The following PLCD4 variants were observed in gnomAD, a reference collection of about 807,000 sequenced individuals.
PLCD4 encodes the protein 1-phosphatidylinositol 4,5-bisphosphate phosphodiesterase delta-4.
A neutral mutation model predicts 90.2 loss-of-function variants in PLCD4; 63 were observed. That is an observed-to-expected ratio of 0.70 (90% CI 0.57 to 0.86). The LOEUF (loss-of-function observed/expected upper bound fraction) is 0.86. Among genes scored for constraint, PLCD4 ranks in the 40% least tolerant of loss-of-function variants. The probability of loss-of-function intolerance (pLI) is 0.00; values close to 1 mark genes in which losing one functional copy is unlikely to be tolerated. For missense variants in PLCD4, 830 were observed against 956.3 expected, an observed-to-expected ratio of 0.87 and a Z score of 1.74; for synonymous variants, 294 against 356.5, an observed-to-expected ratio of 0.82 and a Z score of 1.97.
At chr2:218,633,160 T>C (rs1002348332) in intron 10 of PLCD4, 2 of 547,096 alleles carry the variant, frequency 3.7e-6, no homozygotes, top group African/African-American at 1.9e-5. Flanking sequence ...ACATGACCAT[T>C]TGCATACCTT....
At chr2:218,621,012 C>T (rs1477754619) in intron 4 of PLCD4, among the ~76,000 whole-genome samples, 1 of 152,084 alleles carries the variant, frequency 6.6e-6, no homozygotes, top group Non-Finnish European at 1.5e-5. Flanking sequence ...TCCATGCAAC[C>T]TCCACCTCCT....
intron 4 of PLCD4, chr2:218,619,033 T>C (rs1251835032): frequency 3.5e-6 from 2 of 573,858 alleles, no homozygotes; most frequent in African/African-American, 3.7e-5. Flanking sequence ...CCCCCAGGAT[T>C]GGAGGAAGAG....
At chr2:218,629,415 G>T (rs1268389094) in intron 7 of PLCD4, 104 bp from the exon 8 acceptor site, 2 of 1,338,764 alleles carry the variant, frequency 1.5e-6, no homozygotes, top group Admixed American at 2.2e-5. Flanking sequence ...GTCTGGATGG[G>T]TAAGTGCTGG....
In PLCD4 at chr2:218,634,925, T is replaced by C. The variant is rs1696624839; in HGVS notation, c.1896+295T>C. Among the ~76,000 whole-genome samples the C allele has an allele frequency of 6.6e-6, 1 of 152,128 alleles. No homozygotes were observed. The highest frequency in any genetic ancestry group is 6.5e-5 in the Admixed American group (1 of 15,272). On this transcript the variant is annotated intron_variant, in intron 13 of 15. Transcript: ENST00000450993. The surrounding 1 kb of genome is among the most constrained non-coding windows in gnomAD (Gnocchi z 4.0). ...ACAGTTAATATAAAGTTCTTACAAT[T>C]CCTGGCACACAGGAAGTGCTATAAA...
chr2:218,627,574 G>A (rs1314614008), intron 6 of PLCD4, among the ~76,000 whole-genome samples: 8 of 151,666 alleles, frequency 5.3e-5, no homozygotes, highest in South Asian at 4.2e-4. Context: ...GTGCAGTGGC[G>A]CGATCTGGGC....
In PLCD4 at chr2:218,621,584, C is replaced by CT; in HGVS notation, c.527dup (p.Ser177GlnfsTer24). The CT allele has an allele frequency of 6.2e-7, 1 of 1,613,842 alleles. No individual in the cohort carries two copies. The highest frequency in any genetic ancestry group is 1.1e-5 in the South Asian group (1 of 91,076). The stretch of plus-strand genomic sequence containing the variant: ...ATGTGGAAATGGACCAAGAATATGC[C>CT]TTCAGTCTTTTTCAGGTGAGTCTGT... On this transcript the variant is annotated frameshift_variant, in exon 5 of 16. Transcript: ENST00000450993. LOFTEE classifies it high-confidence loss of function.
chr2:218,623,158 A>T (rs1398128996), intron 6 of PLCD4, among the ~76,000 whole-genome samples: 1 of 152,156 alleles, frequency 6.6e-6, no homozygotes. Context: ...CTTTACTTTC[A>T]GGAAGTTCTT....
intron 11 of PLCD4, 130 bp downstream of exon 11, chr2:218,633,891 A>T: frequency 7.9e-7 from 1 of 1,261,840 alleles, no homozygotes. Context: ...GAAACTCCTT[A>T]GAGCAGACAA....
At chr2:218,619,689 C>T (rs1441197849) in intron 4 of PLCD4, among the ~76,000 whole-genome samples, 2 of 152,080 alleles carry the variant, frequency 1.3e-5, no homozygotes, top group Admixed American at 6.5e-5. Context: ...AATCCCAGCA[C>T]TTTGGGAGGC....
At chr2:218,616,966 A>AT (rs1695638555) in intron 3 of PLCD4, among the ~76,000 whole-genome samples, 2 of 108,304 alleles carry the variant, frequency 1.8e-5, no homozygotes, top group African/African-American at 3.2e-5. Flanking sequence ...AGAGAGAGAG[A>AT]GAGAGAGAGA....
At chr2:218,617,147 G>A (rs1695653703) in intron 3 of PLCD4, among the ~76,000 whole-genome samples, 1 of 145,112 alleles carries the variant, frequency 6.9e-6, no homozygotes, top group Non-Finnish European at 1.5e-5. Context: ...CGCATTTTTA[G>A]TAGAGGCGGG....
In PLCD4 at chr2:218,621,606, C is replaced by A; in HGVS notation, c.540+7C>A. The stretch of plus-strand genomic sequence containing the variant: ...TGCCTTCAGTCTTTTTCAGGTGAGT[C>A]TGTGGGGAAGGATTTCCAGCGGCCA... On this transcript the variant is annotated splice_region_variant and intron_variant, in intron 5 of 15. Transcript: ENST00000450993. The A allele has an allele frequency of 6.2e-7, 1 of 1,613,486 alleles. No homozygotes were observed. The highest frequency in any genetic ancestry group is 1.1e-5 in the South Asian group (1 of 91,018).
intron 3 of PLCD4, among the ~76,000 whole-genome samples, chr2:218,616,807 A>T (rs1176399298): frequency 6.8e-6 from 1 of 147,516 alleles, no homozygotes; most frequent in Non-Finnish European, 1.5e-5. Context: ...GTACCTGCTT[A>T]GTAGGCTACA....
rs1445150196 is a variant in PLCD4, at chr2:218,636,743, T to G, written c.*166T>G. The G allele has an allele frequency of 2.7e-6, 2 of 728,838 alleles. No homozygotes were observed. The highest frequency in any genetic ancestry group is 3.5e-5 in the African/African-American group (2 of 56,404). 45.1% of individuals were successfully genotyped at this position (728,838 alleles called of 1,614,324 possible). On this transcript the variant is annotated 3_prime_UTR_variant, in exon 16 of 16. Transcript: ENST00000450993. ...TCCTAACAAGCAATCTGGGACCTGA[T>G]TTTCCACCTTTTTTCTCTTTTCTTC...
Position 218,627,126 on chromosome 2 carries a change from T to TG in PLCD4, c.773-897dup, listed in dbSNP as rs554290078. 1.7e-3 allele frequency among the ~76,000 whole-genome samples: 249 copies of TG among 147,166 alleles called. 1 individual carries two copies. Among genetic ancestry groups the TG allele is most frequent in the Non-Finnish European group, 2.5e-3 (168 of 66,820 alleles). On this transcript the variant is annotated intron_variant, in intron 6 of 15. Transcript: ENST00000450993. Reference sequence around the variant, plus strand: ...GAAAAAAAAAAAGAGCCGGGTGTAGTGGGGGGCGCCTGTAGTCCCAGCTAC... The same window carrying TG: ...GAAAAAAAAAAAGAGCCGGGTGTAGTGGGGGGGCGCCTGTAGTCCCAGCTAC...
intron 4 of PLCD4, among the ~76,000 whole-genome samples, chr2:218,620,407 G>A (rs1221169339): frequency 6.6e-6 from 1 of 152,092 alleles, no homozygotes; most frequent in Non-Finnish European, 1.5e-5. Context: ...TCAGGAGGCT[G>A]AGGCACGAGA....
At chr2:218,621,679 C>G in intron 5 of PLCD4, 80 bp downstream of exon 5, 2 of 1,543,038 alleles carry the variant, frequency 1.3e-6, no homozygotes, top group Non-Finnish European at 8.9e-7. Context: ...CCCCAGTCCA[C>G]AACACTCAAT....
intron 1 of PLCD4, among the ~76,000 whole-genome samples, chr2:218,612,053 C>T (rs917993770): frequency 6.6e-6 from 1 of 151,924 alleles, no homozygotes; most frequent in Non-Finnish European, 1.5e-5. Context: ...CTCAGCCTCC[C>T]TAGTAGCCAC....
In PLCD4 at chr2:218,618,658, G is replaced by A. The variant is rs770899183; in HGVS notation, c.261G>A (p.Leu87=). The change falls in exon 4 of 16, where the codon CTG becomes CTA. Residue 87 remains leucine (L), a synonymous_variant. Transcript: ENST00000450993. The part of the protein sequence containing the change: ...LLRSLAEELP[L]EQGFTIVFHG... ...GTAGCCTGGCAGAGGAGCTCCCCCT[G>A]GAGCAGGGCTTCACCATTGTCTTCC... The A allele has an allele frequency of 6.2e-7, 1 of 1,613,984 alleles. No individual in the cohort carries two copies. Among genetic ancestry groups the A allele is most frequent in the Non-Finnish European group, 8.5e-7 (1 of 1,179,896 alleles).
Sources: allele counts gnomAD v4.1 joint callset (sites outside exome capture counted in the v4.1 genomes callset), GRCh38; gene constraint gnomAD v4.1.1; non-coding constraint Gnocchi (gnomAD v3.1); transcripts MANE v1.5; gene names NCBI Gene and HGNC (gene_info 2026-07-23, HGNC 2026-07-21).